Variants in ERCC6L observed in about 807,000 individuals in gnomAD.
ERCC6L encodes ERCC excision repair 6 like, spindle assembly checkpoint helicase.
A neutral mutation model predicts 20.1 loss-of-function variants in ERCC6L; 7 were observed. The observed-to-expected ratio is 0.35, with a 90% CI of 0.20 to 0.65. The LOEUF (loss-of-function observed/expected upper bound fraction) is 0.65. Among genes scored for constraint, ERCC6L ranks in the 30% least tolerant of loss-of-function variants. ERCC6L has a pLI of 0.69. For missense variants in ERCC6L, 592 were observed against 892.4 expected, an observed-to-expected ratio of 0.66 and a Z score of 4.29; for synonymous variants, 278 against 331.3, an observed-to-expected ratio of 0.84 and a Z score of 1.75.
At chrX:72,237,603 G>GA (rs60931189) in intron 1 of ERCC6L, among the ~76,000 whole-genome samples, 26,671 of 90,897 alleles carry the variant, frequency 0.29, 3,451 homozygotes, top group East Asian at 0.51. Context: ...ATCAAAAAAA[G>GA]AAAAAAAAAA....
At chrX:72,226,681 G>A (rs768539171) in intron 1 of ERCC6L, among the ~76,000 whole-genome samples, 1 of 111,452 alleles carries the variant, frequency 9.0e-6, no homozygotes, top group East Asian at 2.8e-4. Flanking sequence ...TGAGTATTGG[G>A]CAAAACAAGC....
chrX:72,211,280 G>A (rs1029303886), intron 1 of ERCC6L, among the ~76,000 whole-genome samples: 1 of 110,756 alleles, frequency 9.0e-6, no homozygotes, highest in African/African-American at 3.3e-5. Flanking sequence ...AGCCAGGCCT[G>A]CTTGGGAGCC....
At chrX:72,224,381 C>T (rs191701400) in intron 1 of ERCC6L, among the ~76,000 whole-genome samples, 3 of 111,254 alleles carry the variant, frequency 2.7e-5, no homozygotes, top group Non-Finnish European at 3.8e-5. Flanking sequence ...ATTCATTCAT[C>T]GGCCCTACAT....
chrX:72,220,060 T>C (rs1602444755), intron 1 of ERCC6L, among the ~76,000 whole-genome samples: 1 of 110,779 alleles, frequency 9.0e-6, no homozygotes, highest in East Asian at 2.8e-4. Context: ...GTTGAGTGTT[T>C]TTGTATCACG....
At chrX:72,225,299 C>T (rs910294449) in intron 1 of ERCC6L, among the ~76,000 whole-genome samples, 9 of 112,214 alleles carry the variant, frequency 8.0e-5, no homozygotes, top group Non-Finnish European at 1.3e-4. Flanking sequence ...CTCACTATTT[C>T]GGTCAGGCAC....
intron 1 of ERCC6L, among the ~76,000 whole-genome samples, chrX:72,222,038 G>A (rs1048204133): frequency 9.2e-6 from 1 of 108,227 alleles, no homozygotes; most frequent in African/African-American, 3.4e-5. Flanking sequence ...GGGCCCTCCT[G>A]CCCTCAAGCC....
intron 1 of ERCC6L, among the ~76,000 whole-genome samples, chrX:72,218,495 CTTT>C (rs200615272): frequency 3.1e-5 from 3 of 97,162 alleles, no homozygotes; most frequent in Non-Finnish European, 6.2e-5. Flanking sequence ...ATTTCTTTCT[CTTT>C]TTTTTTTTTT....
intron 1 of ERCC6L, among the ~76,000 whole-genome samples, chrX:72,218,635 A>T (rs1358910150): frequency 1.8e-5 from 2 of 109,696 alleles, no homozygotes; most frequent in Non-Finnish European, 3.8e-5. Context: ...CTGGGATTAT[A>T]GGCGTGCACC....
At chrX:72,211,240 C>A (rs1331220107) in intron 1 of ERCC6L, among the ~76,000 whole-genome samples, 1 of 110,696 alleles carries the variant, frequency 9.0e-6, no homozygotes, top group Non-Finnish European at 1.9e-5. Flanking sequence ...AGAATTGCTC[C>A]CCTATTTTCC....
chrX:72,205,315 A>T lies in ERCC6L; in HGVS notation c.3452T>A (p.Leu1151Gln), dbSNP rs774071692. 10 of 1,212,013 alleles carry T rather than the reference A, an allele frequency of 8.3e-6. No individual in the cohort carries two copies. The highest frequency in any genetic ancestry group is 8.9e-6 in the Non-Finnish European group (8 of 895,595). ...YTEEDPSGET[L>Q]SSENKSSWLM... ...CCAGCTGGACTTGTTTTCTGAAGACAGTGTTTCTCCGGAAGGATCCTCTTC... is the reference window on the plus strand; with the variant it reads ...CCAGCTGGACTTGTTTTCTGAAGACTGTGTTTCTCCGGAAGGATCCTCTTC... The change falls in exon 2 of 2, where the codon CTG becomes CAG. Residue 1151 changes from leucine (L) to glutamine (Q), a missense_variant. By Grantham distance (113) the Leu-to-Gln change is moderately radical. Transcript: ENST00000334463.
Position 72,205,562 on chromosome X carries a change from T to G in ERCC6L, c.3205A>C (p.Ser1069Arg). 8.3e-7 allele frequency: 1 copy of G among 1,211,265 alleles called. No homozygotes were observed. Among genetic ancestry groups the G allele is most frequent in the Non-Finnish European group, 1.1e-6 (1 of 894,924 alleles). ...FDASTPKNDI[S>R]PPGRFFSSQI... is the part of the protein sequence containing the mutation. ...GATGAAAAGAACCTTCCTGGTGGACTGATGTCATTTTTGGGAGTTGAAGCA... is the reference window on the plus strand; with the variant it reads ...GATGAAAAGAACCTTCCTGGTGGACGGATGTCATTTTTGGGAGTTGAAGCA... Residue 1069 changes from serine to arginine, a missense_variant, in exon 2 of 2, where the codon AGT becomes CGT. Transcript: ENST00000334463.
At position 72,208,064 on chromosome X, in the gene ERCC6L, TTTTTA is replaced by T; in HGVS notation, c.698_702del (p.Ile233AsnfsTer5). ...CATATTGCTGACTTAGTAGATGAGG[TTTTTA>T]TTTTATGTGCTTCATCGAGGATGAC... On this transcript the variant is annotated frameshift_variant, in exon 2 of 2. Coordinates refer to ENST00000334463, the MANE Select transcript of ERCC6L (RefSeq NM_017669.4). LOFTEE classifies it high-confidence loss of function. 8.3e-7 allele frequency: 1 copy of T among 1,211,351 alleles called. No homozygotes were observed. Among genetic ancestry groups the T allele is most frequent in the Non-Finnish European group, 1.1e-6 (1 of 895,439 alleles).
chrX:72,223,255 A>G (rs58021546), intron 1 of ERCC6L, among the ~76,000 whole-genome samples: 1 of 99,819 alleles, frequency 1.0e-5, no homozygotes, highest in Non-Finnish European at 2.0e-5. Flanking sequence ...CAGGAGAATC[A>G]CTTGAACCTG....
At chrX:72,236,503 C>T in intron 1 of ERCC6L, among the ~76,000 whole-genome samples, 1 of 111,189 alleles carries the variant, frequency 9.0e-6, no homozygotes, top group Non-Finnish European at 1.9e-5. Context: ...ACCATGTTGT[C>T]CAGACTGGTC....
At chrX:72,209,423 C>T (rs1436461063) in intron 1 of ERCC6L, among the ~76,000 whole-genome samples, 6 of 111,965 alleles carry the variant, frequency 5.4e-5, no homozygotes. Context: ...CCTCTAAAAA[C>T]GTGCTTCTCC....
intron 1 of ERCC6L, among the ~76,000 whole-genome samples, chrX:72,231,136 G>T (rs1302755413): frequency 3.6e-5 from 4 of 112,115 alleles, no homozygotes; most frequent in Non-Finnish European, 7.5e-5. Flanking sequence ...GTTCACTGCA[G>T]CATTATTCAT....
At chrX:72,225,689 T>C (rs2042949864) in intron 1 of ERCC6L, among the ~76,000 whole-genome samples, 1 of 111,711 alleles carries the variant, frequency 9.0e-6, no homozygotes, top group African/African-American at 3.3e-5. Context: ...CAAAAGGCAA[T>C]CTTGACCAAC....
At chrX:72,213,037 A>G (rs1353546413) in intron 1 of ERCC6L, among the ~76,000 whole-genome samples, 1 of 112,234 alleles carries the variant, frequency 8.9e-6, no homozygotes, top group African/African-American at 3.2e-5. Flanking sequence ...ACAATCAGAA[A>G]TGCTCTTTGT....
chrX:72,238,205 T>A (rs767462128), intron 1 of ERCC6L, among the ~76,000 whole-genome samples: 108 of 112,104 alleles, frequency 9.6e-4, no homozygotes, highest in Middle Eastern at 4.6e-3. Flanking sequence ...AAAGATAAAA[T>A]TTATGTTATG....
Sources: gnomAD v4.1 joint callset for allele counts (sites outside exome capture counted in the v4.1 genomes callset) on GRCh38, gnomAD v4.1.1 for gene constraint, MANE v1.5 for transcripts, NCBI Gene and HGNC (gene_info 2026-07-23, HGNC 2026-07-21) for gene names.